The following CCR5AS variants were observed in gnomAD, a reference collection of about 807,000 sequenced individuals.
CCR5AS encodes CCR5 antisense RNA.
intron 2 of CCR5AS, chr3:46,373,479 T>C: frequency 7.6e-7 from 1 of 1,316,402 alleles, no homozygotes; most frequent in Non-Finnish European, 1.1e-6. Context: ...CTGGAAGAAT[T>C]TCCAGACATT....
intron 2 of CCR5AS, chr3:46,373,785 A>G: frequency 6.2e-7 from 1 of 1,613,872 alleles, no homozygotes; most frequent in Non-Finnish European, 8.5e-7. Flanking sequence ...CATCAACCCC[A>G]TCATCTATGC....
intron 1 of CCR5AS, among the ~76,000 whole-genome samples, chr3:46,400,827 T>C (rs1350363091): frequency 3.9e-5 from 6 of 152,110 alleles, no homozygotes; most frequent in African/African-American, 1.4e-4. Flanking sequence ...GAGAGCAATG[T>C]AGTTGGAGAA....
At chr3:46,395,571 C>A (rs1412796251) in intron 1 of CCR5AS, among the ~76,000 whole-genome samples, 1 of 152,148 alleles carries the variant, frequency 6.6e-6, no homozygotes, top group South Asian at 2.1e-4. Flanking sequence ...GAAAAAACAT[C>A]CATGGAACCC....
chr3:46,366,505 G>C (rs1701599161), intron 3 of CCR5AS, among the ~76,000 whole-genome samples: 1 of 152,226 alleles, frequency 6.6e-6, no homozygotes, highest in Admixed American at 6.5e-5. Flanking sequence ...GCTGAGCTAA[G>C]GGGCTCCCAC....
chr3:46,402,819 A>G (rs1293657037), intron 1 of CCR5AS, among the ~76,000 whole-genome samples: 2 of 152,194 alleles, frequency 1.3e-5, no homozygotes, highest in African/African-American at 2.4e-5. Flanking sequence ...GGTTTGTTGT[A>G]CAAATTATTT....
intron 1 of CCR5AS, among the ~76,000 whole-genome samples, chr3:46,393,914 A>C (rs1166926967): frequency 6.6e-6 from 1 of 152,198 alleles, no homozygotes; most frequent in African/African-American, 2.4e-5. Context: ...TTCCCTCCTG[A>C]ACTGCACTTT....
chr3:46,404,662 A>G (rs1209521617), intron 1 of CCR5AS, among the ~76,000 whole-genome samples: 1 of 152,102 alleles, frequency 6.6e-6, no homozygotes, highest in Admixed American at 6.6e-5. Context: ...TTCTGACTAC[A>G]CTATTTAAAA....
chr3:46,395,016 A>T (rs934964649), intron 1 of CCR5AS, among the ~76,000 whole-genome samples: 1 of 152,014 alleles, frequency 6.6e-6, no homozygotes, highest in Non-Finnish European at 1.5e-5. Context: ...AATGGAGGAG[A>T]GCCCCTAGGT....
chr3:46,370,175 T>C (rs1454261143), intron 3 of CCR5AS, among the ~76,000 whole-genome samples: 1 of 152,228 alleles, frequency 6.6e-6, no homozygotes, highest in Non-Finnish European at 1.5e-5. Context: ...TGAAGAATCC[T>C]GCCACCTATG....
intron 2 of CCR5AS, among the ~76,000 whole-genome samples, chr3:46,384,469 C>G (rs34158148): frequency 0.13 from 19,117 of 152,176 alleles, 1,515 homozygotes; most frequent in African/African-American, 0.22. Context: ...ATGTCTGCAG[C>G]CCAATTTTAC....
chr3:46,393,394 G>A (rs1452320763), intron 1 of CCR5AS, among the ~76,000 whole-genome samples: 3 of 149,574 alleles, frequency 2.0e-5, no homozygotes, highest in Non-Finnish European at 4.4e-5. Context: ...TGGACTCAGA[G>A]GCCTGACAGG....
chr3:46,400,169 T>C (rs907264064), intron 1 of CCR5AS, among the ~76,000 whole-genome samples: 2 of 152,076 alleles, frequency 1.3e-5, no homozygotes, highest in African/African-American at 4.8e-5. Context: ...ATTTTGTACA[T>C]TTGTAGAGAC....
intron 2 of CCR5AS, among the ~76,000 whole-genome samples, chr3:46,387,078 G>T (rs1183039232): frequency 6.6e-6 from 1 of 152,132 alleles, no homozygotes; most frequent in Non-Finnish European, 1.5e-5. Flanking sequence ...AGAGAGAAGA[G>T]ATAAGGGAAG....
downstream of CCR5AS, among the ~76,000 whole-genome samples, chr3:46,364,119 G>A (rs950717122): frequency 9.8e-5 from 15 of 152,354 alleles, 1 homozygote; most frequent in South Asian, 4.1e-4. Context: ...GTGTCTACAC[G>A]AAACAACAGA....
exon 1 of CCR5AS, chr3:46,406,987 G>A (rs1219142445): frequency 2.6e-5 from 4 of 152,260 alleles, no homozygotes; most frequent in Non-Finnish European, 5.9e-5. Flanking sequence ...AGAGGGTCAG[G>A]ACCCTCAGGT....
chr3:46,376,601 T>C (rs1169356727), intron 2 of CCR5AS, among the ~76,000 whole-genome samples: 2 of 152,214 alleles, frequency 1.3e-5, no homozygotes, highest in Admixed American at 1.3e-4. Flanking sequence ...CGTCATGGCC[T>C]GGTCACTTAC....
At chr3:46,369,871 G>A (rs1248458930) in intron 3 of CCR5AS, among the ~76,000 whole-genome samples, 1 of 152,118 alleles carries the variant, frequency 6.6e-6, no homozygotes. Flanking sequence ...CTGTAGGATT[G>A]GGGGCACGTA....
intron 2 of CCR5AS, among the ~76,000 whole-genome samples, chr3:46,376,818 T>C (rs995579221): frequency 4.6e-5 from 7 of 152,210 alleles, no homozygotes; most frequent in Non-Finnish European, 8.8e-5. Flanking sequence ...TTGAACATGC[T>C]GGTTTTCAGT....
At position 46,364,608 on chromosome 3, in the gene CCR5AS, T is replaced by C. The variant is rs562298240; in HGVS notation, n.1003A>G. Among the ~76,000 whole-genome samples, 26 of 151,430 alleles carry C rather than the reference T, an allele frequency of 1.7e-4. No individual in the cohort carries two copies. The South Asian group carries it at 4.8e-3, about 28-fold the overall frequency. ...GACTTTCAAGTCTTATTAAGAAATA[T>C]ATTTCATAAGGCTATTAAGAAATAG... On this transcript the variant is annotated non_coding_transcript_exon_variant, in exon 4 of 4. Transcript: ENST00000451485.
Sources: allele counts gnomAD v4.1 joint callset (sites outside exome capture counted in the v4.1 genomes callset), GRCh38; gene constraint gnomAD v4.1.1; transcripts MANE v1.5; gene names NCBI Gene and HGNC (gene_info 2026-07-23, HGNC 2026-07-21).